Variants in UBAC2 observed in about 807,000 individuals in gnomAD.
UBAC2 encodes the protein ubiquitin-associated domain-containing protein 2.
Under a neutral mutation model 44.0 loss-of-function variants are expected in UBAC2, and 26 were observed. The ratio of observed to expected loss-of-function variants is 0.59; its 90% CI spans 0.43 to 0.82. The LOEUF (loss-of-function observed/expected upper bound fraction) is 0.82. UBAC2 is among the 40% of genes least tolerant of loss of function. The probability of loss-of-function intolerance (pLI) is 0.00; values close to 1 mark genes in which losing one functional copy is unlikely to be tolerated. For missense variants in UBAC2, 329 were observed against 419.4 expected (o/e 0.78, Z 1.88); for synonymous variants, 155 against 154.3 (o/e 1.00, Z -0.04).
chr13:99,282,548 T>C (rs1224224909), intron 4 of UBAC2, among the ~76,000 whole-genome samples: 1 of 152,234 alleles, frequency 6.6e-6, no homozygotes, highest in Non-Finnish European at 1.5e-5. Flanking sequence ...TCCAGTCTAA[T>C]AGGAAATATG....
chr13:99,382,521 A>G (rs59240606), intron 8 of UBAC2, among the ~76,000 whole-genome samples: 38,199 of 152,150 alleles, frequency 0.25, 6,002 homozygotes, highest in Non-Finnish European at 0.35. Flanking sequence ...CAGTGGCCTC[A>G]CTGCCCTGGT....
chr13:99,306,325 G>A (rs1057081769), intron 4 of UBAC2, among the ~76,000 whole-genome samples: 1 of 152,158 alleles, frequency 6.6e-6, no homozygotes, highest in Non-Finnish European at 1.5e-5. Context: ...GAGAGGCAAT[G>A]TTGTAAGGAC....
chr13:99,238,621 C>A, intron 2 of UBAC2, 67 bp downstream of exon 2: 2 of 1,391,996 alleles, frequency 1.4e-6, no homozygotes, highest in East Asian at 2.5e-5. Flanking sequence ...TCTAGATTTG[C>A]TTTTTCTTCC....
chr13:99,269,351 C>A (rs2043788052), intron 4 of UBAC2, among the ~76,000 whole-genome samples: 1 of 152,164 alleles, frequency 6.6e-6, no homozygotes, highest in African/African-American at 2.4e-5. Context: ...GACCGCATTT[C>A]CCAGGATGTT....
chr13:99,370,350 G>A (rs2045388734), intron 8 of UBAC2, among the ~76,000 whole-genome samples: 1 of 152,184 alleles, frequency 6.6e-6, no homozygotes, highest in Admixed American at 6.5e-5. Context: ...TCTGGTTAAG[G>A]AGGAATCAAG....
intron 7 of UBAC2, among the ~76,000 whole-genome samples, chr13:99,348,097 C>T (rs774468490): frequency 6.6e-6 from 1 of 152,192 alleles, no homozygotes; most frequent in Non-Finnish European, 1.5e-5. Context: ...ATCATCTTTA[C>T]ACTGCCAGGG....
intron 2 of UBAC2, among the ~76,000 whole-genome samples, chr13:99,238,844 T>C (rs2043269293): frequency 6.6e-6 from 1 of 152,244 alleles, no homozygotes. Context: ...CAATGTTTAA[T>C]CTTTTTTTAA....
chr13:99,368,390 C>T (rs1594177834), intron 8 of UBAC2, among the ~76,000 whole-genome samples: 2 of 152,096 alleles, frequency 1.3e-5, no homozygotes, highest in East Asian at 3.8e-4. Context: ...AACATAATCA[C>T]ATTGAAGGAG....
chr13:99,208,792 C>T (rs531018127), intron 1 of UBAC2, among the ~76,000 whole-genome samples: 1 of 152,188 alleles, frequency 6.6e-6, no homozygotes, highest in Non-Finnish European at 1.5e-5. Context: ...CCCTGAGCCT[C>T]GCACGTAGTT....
At chr13:99,312,429 TA>T (rs2138761138) in intron 4 of UBAC2, among the ~76,000 whole-genome samples, 1 of 152,350 alleles carries the variant, frequency 6.6e-6, no homozygotes, top group South Asian at 2.1e-4. Context: ...CAAACCACTC[TA>T]CTCATTCATA....
chr13:99,220,281 A>G (rs1226371149), intron 1 of UBAC2, among the ~76,000 whole-genome samples: 1 of 152,228 alleles, frequency 6.6e-6, no homozygotes, highest in Non-Finnish European at 1.5e-5. Flanking sequence ...TCAGTGAGTT[A>G]TTTAGCCTTT....
chr13:99,241,961 A>G (rs1428400383), intron 2 of UBAC2, among the ~76,000 whole-genome samples: 63 of 150,940 alleles, frequency 4.2e-4, no homozygotes, highest in Admixed American at 4.2e-3. Flanking sequence ...GCTGCCTTCA[A>G]GCATCTGTTT....
intron 6 of UBAC2, among the ~76,000 whole-genome samples, chr13:99,330,264 G>T (rs1327024035): frequency 6.6e-6 from 1 of 151,716 alleles, no homozygotes; most frequent in Non-Finnish European, 1.5e-5. Flanking sequence ...TTCGAGACCA[G>T]CCTGACCAAC....
At position 99,346,102 on chromosome 13, in the gene UBAC2, A is replaced by ACT. The variant is rs2044975793; in HGVS notation, c.807+5538_807+5539insTC. Among the ~76,000 whole-genome samples the ACT allele has an allele frequency of 3.3e-5, 5 of 152,182 alleles. No individual in the cohort carries two copies. The South Asian group carries it at 1.0e-3, about 32-fold the overall frequency. On this transcript the variant is annotated intron_variant, in intron 7 of 8. Transcript: ENST00000403766. ...TCTCACTCCCTACCTGATGAAAAGC[A>ACT]CCCATTGTTTACCCGAAAGTCCAAA...
intron 4 of UBAC2, among the ~76,000 whole-genome samples, chr13:99,289,502 A>G (rs2044062622): frequency 6.6e-6 from 1 of 152,252 alleles, no homozygotes; most frequent in Non-Finnish European, 1.5e-5. Context: ...ATGGGGAACT[A>G]TTCTCAATCC....
rs1555331218 is a variant in UBAC2 at position 99,347,319 on chromosome 13, G to GCCGCCCCCCCCCCC, written c.807+6756_807+6757insGCCCCCCCCCCCCC. Among the ~76,000 whole-genome samples the GCCGCCCCCCCCCCC allele has an allele frequency of 2.4e-4, 5 of 20,550 alleles. 1 individual carries two copies. Among genetic ancestry groups the GCCGCCCCCCCCCCC allele is most frequent in the Admixed American group, 7.2e-4 (1 of 1,384 alleles). 13.5% of individuals were successfully genotyped at this position (20,550 alleles called of 152,430 possible). ...GATTCAGACGTTACTATCCCCGGGC[G>GCCGCCCCCCCCCCC]CCCCCCCCCCCCCCCAGGAAAAAAA... On this transcript the variant is annotated intron_variant, in intron 7 of 8. Transcript: ENST00000403766.
chr13:99,350,351 C>T (rs1445731088), intron 7 of UBAC2, among the ~76,000 whole-genome samples: 1 of 152,134 alleles, frequency 6.6e-6, no homozygotes, highest in Non-Finnish European at 1.5e-5. Context: ...CAGATGGGGG[C>T]TGGTTACCAG....
intron 2 of UBAC2, among the ~76,000 whole-genome samples, chr13:99,240,787 T>G (rs2043290637): frequency 6.6e-6 from 1 of 152,134 alleles, no homozygotes; most frequent in Non-Finnish European, 1.5e-5. Flanking sequence ...TGAGGTGAAC[T>G]CTGGTGGCCA....
In UBAC2 at chr13:99,341,374, G is replaced by T. The variant is rs1006379979; in HGVS notation, c.807+809G>T. ...TTGGAGAAGTGAAATCAGGTTTGAG[G>T]TCCTTAGAGTCCCATTGGAGATGCA... On this transcript the variant is annotated intron_variant, in intron 7 of 8. Coordinates refer to ENST00000403766, the MANE Select transcript of UBAC2 (RefSeq NM_001144072.2). Among the ~76,000 whole-genome samples, 16 of 113,028 alleles carry T rather than the reference G, an allele frequency of 1.4e-4. 1 individual carries two copies. The highest frequency in any genetic ancestry group is 4.2e-4 in the African/African-American group (15 of 36,078). 74.2% of individuals were successfully genotyped at this position (113,028 alleles called of 152,430 possible).
Sources: gnomAD v4.1 joint callset for allele counts (sites outside exome capture counted in the v4.1 genomes callset) on GRCh38, gnomAD v4.1.1 for gene constraint, MANE v1.5 for transcripts, NCBI Gene and HGNC (gene_info 2026-07-23, HGNC 2026-07-21) for gene names.